GRIN2B: variants seen among roughly 807,000 people sequenced by gnomAD.
The protein encoded by GRIN2B is glutamate ionotropic receptor NMDA type subunit 2B.
In GRIN2B, 5 loss-of-function variants were observed where a neutral mutation model predicts 114.5. The observed-to-expected ratio is 0.04, with a 90% CI of 0.02 to 0.09. The LOEUF (loss-of-function observed/expected upper bound fraction) is 0.09. GRIN2B is among the 10% of genes least tolerant of loss of function. The probability of loss-of-function intolerance (pLI) is 1.00; values close to 1 mark genes in which losing one functional copy is unlikely to be tolerated. For missense variants in GRIN2B, 1,108 were observed against 1,943.5 expected (o/e 0.57, Z 8.08); for synonymous variants, 787 against 745.1 (o/e 1.06, Z -0.92).
rs1233944698 is a variant in GRIN2B, at chr12:13,544,537, C to T, written c.*18246G>A. The T allele has an allele frequency of 6.6e-6, 1 of 152,152 alleles. No homozygotes were observed. The highest frequency in any genetic ancestry group is 2.4e-5 in the African/African-American group (1 of 41,436). The allele number at this position is 152,152 out of a possible 1,614,324, so 9.4% of individuals were successfully genotyped here. ...AGGTCCATATATCTAATTGCCTAAT[C>T]ATCATTTCTACTTGCAACATCTGTA... On this transcript the variant is annotated 3_prime_UTR_variant, in exon 14 of 14. Coordinates refer to ENST00000609686, the MANE Select transcript of GRIN2B (RefSeq NM_000834.5).
intron 2 of GRIN2B, among the ~76,000 whole-genome samples, chr12:13,906,100 G>A (rs1034304839): frequency 6.6e-6 from 1 of 152,164 alleles, no homozygotes; most frequent in African/African-American, 2.4e-5. Context: ...GCATCATGAT[G>A]CCTTATCTTC....
intron 2 of GRIN2B, among the ~76,000 whole-genome samples, chr12:13,897,819 T>C (rs915406236): frequency 1.3e-5 from 2 of 152,022 alleles, no homozygotes; most frequent in African/African-American, 4.8e-5. Flanking sequence ...AATGAAAGCA[T>C]GTTTTTATTG....
rs147956755 is a variant in GRIN2B at position 13,564,307 on chromosome 12, G to C, written c.2931C>G (p.Asp977Glu). Residue 977 changes from aspartate to glutamate, a missense_variant, in exon 14 of 14, where the codon GAC (aspartate) becomes GAG (glutamate). Asp to Glu is a conservative substitution (Grantham distance 45, BLOSUM62 2). Coordinates refer to ENST00000609686, the MANE Select transcript of GRIN2B (RefSeq NM_000834.5). The surrounding 1 kb of genome is among the most constrained non-coding windows in gnomAD (Gnocchi z 4.8). Reference sequence around the variant, plus strand: ...GGTAGTGATCTTGGTACACGTTGCTGTCCTTCAGCTGCAGGTTCCCGAACG... The same window carrying C: ...GGTAGTGATCTTGGTACACGTTGCTCTCCTTCAGCTGCAGGTTCCCGAACG... Reference protein sequence around the residue: ...ERTFGNLQLKDSNVYQDHYHH... With the variant: ...ERTFGNLQLKESNVYQDHYHH... 4.8e-5 allele frequency: 78 copies of C among 1,614,196 alleles called. No individual in the cohort carries two copies. In the African/African-American group the frequency reaches 7.6e-4, roughly 16 times the overall value.
chr12:13,967,195 A>G (rs1200812042), intron 2 of GRIN2B, among the ~76,000 whole-genome samples: 6 of 152,228 alleles, frequency 3.9e-5, no homozygotes, highest in Non-Finnish European at 8.8e-5. Flanking sequence ...ATCAGAAGAA[A>G]GAGGTCCACA....
intron 3 of GRIN2B, among the ~76,000 whole-genome samples, chr12:13,802,070 T>C (rs1265613747): frequency 6.6e-6 from 1 of 151,988 alleles, no homozygotes. Flanking sequence ...GAATAACATA[T>C]AATCCTGCCC....
intron 3 of GRIN2B, among the ~76,000 whole-genome samples, chr12:13,772,473 A>C (rs989497592): frequency 6.6e-6 from 1 of 152,152 alleles, no homozygotes; most frequent in Admixed American, 6.5e-5. Context: ...CTCAGTCGAC[A>C]AGCTCCACCC....
At chr12:13,696,715 C>T (rs919896310) in intron 4 of GRIN2B, among the ~76,000 whole-genome samples, 7 of 152,190 alleles carry the variant, frequency 4.6e-5, no homozygotes, top group African/African-American at 7.2e-5. Flanking sequence ...AGTCATGGCT[C>T]ACTGTGATTC....
intron 2 of GRIN2B, among the ~76,000 whole-genome samples, chr12:13,944,134 T>C (rs1048340508): frequency 1.3e-5 from 2 of 152,314 alleles, no homozygotes; most frequent in South Asian, 4.1e-4. Context: ...TCTAATTTCA[T>C]CCATTTCTGT....
At chr12:13,571,676 G>C in intron 11 of GRIN2B, 128 bp downstream of exon 11, 2 of 975,100 alleles carry the variant, frequency 2.1e-6, no homozygotes, top group Non-Finnish European at 3.3e-6. Context: ...AATCCATAAA[G>C]AGCAAATGAA....
chr12:13,898,911 A>T (rs898712380), intron 2 of GRIN2B, among the ~76,000 whole-genome samples: 2 of 152,224 alleles, frequency 1.3e-5, no homozygotes, highest in Non-Finnish European at 2.9e-5. Flanking sequence ...TCCGTCTCAA[A>T]AATAATAATA....
At chr12:13,814,058 G>A (rs762156106) in intron 3 of GRIN2B, among the ~76,000 whole-genome samples, 4 of 152,186 alleles carry the variant, frequency 2.6e-5, no homozygotes, top group African/African-American at 7.2e-5. Flanking sequence ...TCCTCTTGGG[G>A]GAAATAGGAA....
intron 2 of GRIN2B, among the ~76,000 whole-genome samples, chr12:13,921,795 C>T (rs543487964): frequency 5.3e-5 from 8 of 152,250 alleles, no homozygotes; most frequent in African/African-American, 9.6e-5. Context: ...GTGCCCAGCA[C>T]TGTGCATCTC....
At chr12:13,908,129 C>T (rs998821092) in intron 2 of GRIN2B, among the ~76,000 whole-genome samples, 42 of 151,878 alleles carry the variant, frequency 2.8e-4, no homozygotes, top group Admixed American at 7.9e-4. Context: ...AATATCTATG[C>T]CATTCAAGTT....
intron 3 of GRIN2B, among the ~76,000 whole-genome samples, chr12:13,811,662 C>G (rs1565546655): frequency 6.6e-6 from 1 of 152,242 alleles, no homozygotes; most frequent in African/African-American, 2.4e-5. Context: ...ATTCTGGACT[C>G]TATTACTTAC....
rs925427600 is a variant in GRIN2B at position 13,888,892 on chromosome 12, C to T, written c.-18-22666G>A. Among the ~76,000 whole-genome samples the T allele has an allele frequency of 2.0e-5, 3 of 151,812 alleles. No individual in the cohort carries two copies. In the East Asian group the frequency reaches 5.8e-4, roughly 29 times the overall value. On this transcript the variant is annotated intron_variant, in intron 2 of 13. Coordinates refer to ENST00000609686, the MANE Select transcript of GRIN2B (RefSeq NM_000834.5). ...AGGGAGTGAATGTGAAGGCCTGGGA[C>T]ATTACTGTACACTACTATAGACTTC...
chr12:13,756,040 C>CT (rs1340181262), intron 3 of GRIN2B, among the ~76,000 whole-genome samples: 1 of 152,080 alleles, frequency 6.6e-6, no homozygotes, highest in African/African-American at 2.4e-5. Context: ...TTTATCCCCC[C>CT]AGAGTCTCAC....
At chr12:13,675,398 C>T (rs1382275153) in intron 5 of GRIN2B, among the ~76,000 whole-genome samples, 3 of 152,120 alleles carry the variant, frequency 2.0e-5, no homozygotes, top group Non-Finnish European at 2.9e-5. Context: ...TTCCCAGATG[C>T]TCTCTAGGAC....
rs56360153 is a variant in GRIN2B, at chr12:13,717,066, CGTGTGTGTGT to C, written c.1010+36241_1010+36250del. Among the ~76,000 whole-genome samples the C allele has an allele frequency of 5.1e-4, 74 of 146,034 alleles. 1 individual carries two copies. Among genetic ancestry groups the C allele is most frequent in the African/African-American group, 8.5e-4 (34 of 39,982 alleles). ...TGTTTGCATTGTATCATGCCATACG[CGTGTGTGTGT>C]GTGTGTGTGTGTGTGTGTGTGTGTG... On this transcript the variant is annotated intron_variant, in intron 4 of 13. Coordinates refer to ENST00000609686, the MANE Select transcript of GRIN2B (RefSeq NM_000834.5).
In GRIN2B at chr12:13,547,421, C is replaced by T. The variant is rs1948357475; in HGVS notation, c.*15362G>A. On this transcript the variant is annotated 3_prime_UTR_variant, in exon 14 of 14. Transcript: ENST00000609686. ...ATCATGTGTCTCAAAGAAGAGATAA[C>T]TTTGAGGGAGAGGATGAAAACTGCA... 1 of 152,102 alleles carries T rather than the reference C, an allele frequency of 6.6e-6. No individual in the cohort carries two copies. The highest frequency in any genetic ancestry group is 1.5e-5 in the Non-Finnish European group (1 of 68,028). 9.4% of individuals were successfully genotyped at this position (152,102 alleles called of 1,614,324 possible). A position where few individuals can be genotyped will look rare whatever the true frequency, so the allele number is the denominator to read the frequency against.
Sources: gnomAD v4.1 joint callset for allele counts (sites outside exome capture counted in the v4.1 genomes callset) on GRCh38, gnomAD v4.1.1 for gene constraint, Gnocchi (gnomAD v3.1) non-coding constraint, MANE v1.5 for transcripts, NCBI Gene and HGNC (gene_info 2026-07-23, HGNC 2026-07-21) for gene names.